TGFBR2: variants seen among roughly 807,000 people sequenced by gnomAD.
TGFBR2 encodes TGF-beta receptor type-2.
TGFBR2 carries 18 observed loss-of-function variants against 49.0 expected under a neutral mutation model. That is an observed-to-expected ratio of 0.37 (90% CI 0.25 to 0.54). The LOEUF (loss-of-function observed/expected upper bound fraction) is 0.54, where lower values mean the gene tolerates loss of function less well. TGFBR2 is among the 20% of genes least tolerant of loss of function. The pLI, the probability that TGFBR2 is intolerant of heterozygous loss-of-function variation, is 0.85. For missense variants in TGFBR2, 525 were observed against 722.6 expected (o/e 0.73, Z 3.13); for synonymous variants, 282 against 275.9 (o/e 1.02, Z -0.22).
At chr3:30,652,887 C>T (rs368485462) in intron 3 of TGFBR2, among the ~76,000 whole-genome samples, 8 of 152,172 alleles carry the variant, frequency 5.3e-5, no homozygotes, top group Non-Finnish European at 1.2e-4. Flanking sequence ...TTACTATGAG[C>T]CTTTCAGATA....
chr3:30,633,658 A>G (rs1256524551), intron 1 of TGFBR2, among the ~76,000 whole-genome samples: 6 of 152,216 alleles, frequency 3.9e-5, no homozygotes, highest in Non-Finnish European at 8.8e-5. Flanking sequence ...ATCTCAGCTC[A>G]CAGTCAGCTG....
chr3:30,636,093 A>ACATTTGAT (rs1214035711), intron 1 of TGFBR2, among the ~76,000 whole-genome samples: 92 of 152,022 alleles, frequency 6.1e-4, no homozygotes, highest in Middle Eastern at 3.4e-3. Context: ...AGTATCCCAG[A>ACATTTGAT]CATTTGATAT....
intron 1 of TGFBR2, among the ~76,000 whole-genome samples, chr3:30,633,310 T>C (rs1007827459): frequency 3.3e-5 from 5 of 152,228 alleles, no homozygotes; most frequent in Non-Finnish European, 5.9e-5. Flanking sequence ...AAGCATTTGG[T>C]CTGCATTCGA....
rs916766113 is a variant in TGFBR2, at chr3:30,643,162, A to G, written c.95-1585A>G. ...GGACAGAGAGTGACTGTGGAAAGGCATTGAAAGTGTTCCTCTCTAGGCAAG... is the reference window on the plus strand; with the variant it reads ...GGACAGAGAGTGACTGTGGAAAGGCGTTGAAAGTGTTCCTCTCTAGGCAAG... On this transcript the variant is annotated intron_variant, in intron 1 of 6. Transcript: ENST00000295754. Among the ~76,000 whole-genome samples the G allele has an allele frequency of 2.6e-5, 4 of 152,352 alleles. No individual in the cohort carries two copies. In the South Asian group the frequency reaches 8.3e-4, roughly 32 times the overall value.
upstream of TGFBR2, chr3:30,606,478 A>G (rs1697919330): frequency 8.2e-6 from 2 of 242,430 alleles, no homozygotes; most frequent in African/African-American, 4.4e-5. Flanking sequence ...GGCAGCTACG[A>G]GAGAGCTAGG....
chr3:30,611,582 CTTTT>C (rs747840989), intron 1 of TGFBR2, among the ~76,000 whole-genome samples: 1 of 141,898 alleles, frequency 7.0e-6, no homozygotes, highest in African/African-American at 2.6e-5. Context: ...ACTGATTCCT[CTTTT>C]TTTTTTTTTT....
In TGFBR2 at chr3:30,693,666, T is replaced by C. The variant is rs989159795; in HGVS notation, c.*2067T>C. On this transcript the variant is annotated 3_prime_UTR_variant, in exon 7 of 7. Coordinates refer to ENST00000295754, the MANE Select transcript of TGFBR2 (RefSeq NM_003242.6). The stretch of plus-strand genomic sequence containing the variant: ...GCGCCTAGAAATTCCACTTGCACCG[T>C]AGGGCATGCTGATACCATCCCAATA... 4.3e-6 allele frequency: 1 copy of C among 233,466 alleles called. No homozygotes were observed. The highest frequency in any genetic ancestry group is 8.5e-6 in the Non-Finnish European group (1 of 117,908). 14.5% of individuals were successfully genotyped at this position (233,466 alleles called of 1,614,324 possible). A position where few individuals can be genotyped will look rare whatever the true frequency, so the allele number is the denominator to read the frequency against.
chr3:30,643,218 C>T (rs1284721373), intron 1 of TGFBR2, among the ~76,000 whole-genome samples: 3 of 152,188 alleles, frequency 2.0e-5, no homozygotes, highest in South Asian at 2.1e-4. Context: ...TTTCTTAGGC[C>T]TCTCTAAGGG....
chr3:30,650,559 A>G, intron 3 of TGFBR2, 99 bp downstream of exon 3: 2 of 1,296,366 alleles, frequency 1.5e-6, no homozygotes, highest in Non-Finnish European at 2.2e-6. Flanking sequence ...CCTGTGGTGG[A>G]TTGCATACAG....
intron 3 of TGFBR2, among the ~76,000 whole-genome samples, chr3:30,661,132 C>A (rs985497543): frequency 6.6e-6 from 1 of 152,160 alleles, no homozygotes. Flanking sequence ...AGACAGAGTA[C>A]AAGGTGTAAT....
intron 3 of TGFBR2, among the ~76,000 whole-genome samples, chr3:30,664,084 G>A (rs905036301): frequency 1.3e-5 from 2 of 151,814 alleles, no homozygotes; most frequent in South Asian, 2.1e-4. Flanking sequence ...TTCTGGGCTC[G>A]TGATCCTCCT....
Position 30,636,153 on chromosome 3 carries a change from GTA to G in TGFBR2, c.95-8592_95-8591del, listed in dbSNP as rs142740693. ...GTAGTTTCAGTGTGAAAATATATAT[GTA>G]TGTGTGTGTGTGTGTGTGTGTGTGT... is the stretch of plus-strand genomic sequence containing the variant. On this transcript the variant is annotated intron_variant, in intron 1 of 6. Transcript: ENST00000295754. Among the ~76,000 whole-genome samples the G allele has an allele frequency of 2.6e-3, 316 of 121,760 alleles. 2 individuals are homozygous for G. The highest frequency in any genetic ancestry group is 7.7e-3 in the Middle Eastern group (2 of 260). 79.9% of individuals were successfully genotyped at this position (121,760 alleles called of 152,430 possible). A position where few individuals can be genotyped will look rare whatever the true frequency, so the allele number is the denominator to read the frequency against.
chr3:30,664,359 T>C (rs1004174154), intron 3 of TGFBR2, among the ~76,000 whole-genome samples: 1 of 152,114 alleles, frequency 6.6e-6, no homozygotes, highest in Non-Finnish European at 1.5e-5. Flanking sequence ...TCCTTAACAA[T>C]GAACTGTGAG....
intron 1 of TGFBR2, among the ~76,000 whole-genome samples, chr3:30,636,236 C>T (rs1015831709): frequency 1.3e-5 from 2 of 151,046 alleles, no homozygotes; most frequent in Non-Finnish European, 2.9e-5. Flanking sequence ...CCACCGCACC[C>T]GGCCCGTACT....
At chr3:30,610,489 C>T (rs1167248189) in intron 1 of TGFBR2, among the ~76,000 whole-genome samples, 1 of 152,152 alleles carries the variant, frequency 6.6e-6, no homozygotes, top group Non-Finnish European at 1.5e-5. Context: ...ATTCCATAGC[C>T]AGCATGATGG....
At chr3:30,641,035 C>A (rs934015818) in intron 1 of TGFBR2, among the ~76,000 whole-genome samples, 2 of 152,176 alleles carry the variant, frequency 1.3e-5, no homozygotes, top group Admixed American at 6.5e-5. Flanking sequence ...ATGTCCCATA[C>A]AGCAAATGAC....
rs950901368 is a variant in TGFBR2 at position 30,651,198 on chromosome 3, G to A, written c.454+738G>A. On this transcript the variant is annotated intron_variant, in intron 3 of 6. Transcript: ENST00000295754. ...TTAATTACAAAAGTAGTATATGCTC[G>A]TCATCAAAAATTTCAAACAATCCAA... Among the ~76,000 whole-genome samples, 8 of 152,216 alleles carry A rather than the reference G, an allele frequency of 5.3e-5. No individual in the cohort carries two copies. The East Asian group carries it at 7.7e-4, about 15-fold the overall frequency.
chr3:30,686,469 A>T (rs1201466147), intron 5 of TGFBR2, among the ~76,000 whole-genome samples: 1 of 152,188 alleles, frequency 6.6e-6, no homozygotes, highest in East Asian at 1.9e-4. Context: ...ATTTAAAACT[A>T]TAAAAAAGAA....
intron 2 of TGFBR2, among the ~76,000 whole-genome samples, chr3:30,648,034 A>G (rs906996601): frequency 6.6e-6 from 1 of 152,152 alleles, no homozygotes; most frequent in African/African-American, 2.4e-5. Context: ...CAACCTCTTC[A>G]GTGGCTCAGA....
Sources: allele counts gnomAD v4.1 joint callset (sites outside exome capture counted in the v4.1 genomes callset), GRCh38; gene constraint gnomAD v4.1.1; transcripts MANE v1.5; gene names NCBI Gene and HGNC (gene_info 2026-07-23, HGNC 2026-07-21).